Variants in OIT3 observed in about 807,000 individuals in gnomAD.
OIT3 encodes oncoprotein-induced transcript 3 protein.
In OIT3, 41 loss-of-function variants were observed where a neutral mutation model predicts 52.2. The observed-to-expected ratio is 0.79, with a 90% CI of 0.61 to 1.02. OIT3 has a LOEUF of 1.02. OIT3 is among the 50% of genes least tolerant of loss of function. The probability of loss-of-function intolerance (pLI) is 0.00; values close to 1 mark genes in which losing one functional copy is unlikely to be tolerated. For missense variants in OIT3, 634 were observed against 715.5 expected (o/e 0.89, Z 1.30); for synonymous variants, 244 against 276.9 (o/e 0.88, Z 1.18).
intron 6 of OIT3, among the ~76,000 whole-genome samples, chr10:72,914,226 G>A (rs1015702561): frequency 6.6e-6 from 1 of 152,102 alleles, no homozygotes; most frequent in Non-Finnish European, 1.5e-5. Context: ...AAATGAAACC[G>A]GAAAAGTAGG....
chr10:72,899,910 T>C (rs1487535690), intron 2 of OIT3, among the ~76,000 whole-genome samples: 1 of 152,216 alleles, frequency 6.6e-6, no homozygotes, highest in East Asian at 1.9e-4. Flanking sequence ...ATTCATTTTT[T>C]AAATAGAACA....
intron 7 of OIT3, among the ~76,000 whole-genome samples, chr10:72,928,319 T>C (rs1846186626): frequency 6.6e-6 from 1 of 152,234 alleles, no homozygotes; most frequent in Non-Finnish European, 1.5e-5. Context: ...CTAGTTTTGA[T>C]TCCATTATAC....
chr10:72,900,955 C>T (rs76439160), intron 3 of OIT3, among the ~76,000 whole-genome samples: 1 of 151,982 alleles, frequency 6.6e-6, no homozygotes, highest in African/African-American at 2.4e-5. Flanking sequence ...ATAGTCTCAG[C>T]TCCTCAGGAG....
At chr10:72,910,653 A>G (rs73288640) in intron 4 of OIT3, among the ~76,000 whole-genome samples, 2,845 of 152,326 alleles carry the variant, frequency 0.019, 101 homozygotes, top group African/African-American at 0.065. Context: ...CTATTATTGA[A>G]CTGAGAGAGT....
chr10:72,927,250 G>T (rs375706386), intron 7 of OIT3, among the ~76,000 whole-genome samples: 2 of 152,024 alleles, frequency 1.3e-5, no homozygotes, highest in East Asian at 3.9e-4. Context: ...AGCAAGTCTC[G>T]TGCCTCAGCC....
chr10:72,910,714 GT>G (rs758352037), intron 4 of OIT3, among the ~76,000 whole-genome samples: 19 of 152,160 alleles, frequency 1.2e-4, no homozygotes, highest in Non-Finnish European at 1.8e-4. Flanking sequence ...TGTCTCAGAT[GT>G]TTTGAAAACA....
At chr10:72,929,704 GCTAA>G (rs138617118) in intron 7 of OIT3, among the ~76,000 whole-genome samples, 4,142 of 152,014 alleles carry the variant, frequency 0.027, 146 homozygotes, top group Admixed American at 0.091. Context: ...ATGACGCCTG[GCTAA>G]CTTTTTGTAT....
rs185866548 is a variant in OIT3 at position 72,903,421 on chromosome 10, T to C, written c.544+2937T>C. On this transcript the variant is annotated intron_variant, in intron 3 of 8. Coordinates refer to ENST00000334011, the MANE Select transcript of OIT3 (RefSeq NM_152635.3). ...TTTTGTATTTTTAGTAGAGACAGGG[T>C]TTCACCATGTTAGCCAGGCTGGTCT... Among the ~76,000 whole-genome samples, 270 of 152,268 alleles carry C rather than the reference T, an allele frequency of 1.8e-3. 2 individuals are homozygous for C. The highest frequency in any genetic ancestry group is 6.0e-3 in the African/African-American group (248 of 41,544).
chr10:72,904,224 C>A (rs916812983), intron 3 of OIT3, among the ~76,000 whole-genome samples: 5 of 152,132 alleles, frequency 3.3e-5, no homozygotes, highest in Admixed American at 6.5e-5. Flanking sequence ...GAGTTGTAAG[C>A]CCTTAAGAGG....
chr10:72,899,092 C>T, intron 2 of OIT3, 54 bp downstream of exon 2: 1 of 1,510,184 alleles, frequency 6.6e-7, no homozygotes, highest in Non-Finnish European at 9.0e-7. Context: ...CAGGTGGAGT[C>T]CAAAAGTGCC....
At chr10:72,894,123 G>A (rs892999537) in intron 1 of OIT3, among the ~76,000 whole-genome samples, 6 of 151,798 alleles carry the variant, frequency 4.0e-5, no homozygotes, top group African/African-American at 1.5e-4. Context: ...TGGAGTATGT[G>A]TAAAAATAAT....
intron 6 of OIT3, among the ~76,000 whole-genome samples, chr10:72,923,727 A>G (rs557734153): frequency 9.2e-5 from 14 of 152,322 alleles, no homozygotes; most frequent in African/African-American, 3.4e-4. Flanking sequence ...AGGATCGAGG[A>G]CCTGCTTAAA....
At chr10:72,929,732 G>A (rs1373178165) in intron 7 of OIT3, among the ~76,000 whole-genome samples, 4 of 151,914 alleles carry the variant, frequency 2.6e-5, no homozygotes, top group South Asian at 2.1e-4. Context: ...TAATAGAGAC[G>A]GGTTTTCACC....
At chr10:72,924,778 A>G in intron 7 of OIT3, 134 bp downstream of exon 7, 5 of 808,210 alleles carry the variant, frequency 6.2e-6, no homozygotes, top group Non-Finnish European at 9.6e-6. Flanking sequence ...CCACTTATTG[A>G]CATTTTGGAG....
chr10:72,920,040 A>G (rs1009272645), intron 6 of OIT3, among the ~76,000 whole-genome samples: 2 of 152,144 alleles, frequency 1.3e-5, no homozygotes, highest in Admixed American at 1.3e-4. Flanking sequence ...TCTTCTTTGT[A>G]CAGGGGGTAG....
At chr10:72,925,877 G>A (rs1385283684) in intron 7 of OIT3, among the ~76,000 whole-genome samples, 1 of 152,226 alleles carries the variant, frequency 6.6e-6, no homozygotes, top group African/African-American at 2.4e-5. Flanking sequence ...AAAGTGCTGG[G>A]ATTATAGGTG....
In OIT3 at chr10:72,933,015, A is replaced by G. The variant is rs1846233664; in HGVS notation, c.*491A>G. 1 of 152,750 alleles carries G rather than the reference A, an allele frequency of 6.5e-6. No homozygotes were observed. Among genetic ancestry groups the G allele is most frequent in the Admixed American group, 6.5e-5 (1 of 15,274 alleles). 9.5% of individuals were successfully genotyped at this position (152,750 alleles called of 1,614,324 possible). ...GGGAATTTGGAAGTGTATCAATAAA[A>G]CAGTATATAATTTTAAAAGTAGTAT... On this transcript the variant is annotated 3_prime_UTR_variant, in exon 9 of 9. Coordinates refer to ENST00000334011, the MANE Select transcript of OIT3 (RefSeq NM_152635.3).
intron 6 of OIT3, among the ~76,000 whole-genome samples, chr10:72,919,550 C>A (rs1228640511): frequency 6.6e-6 from 1 of 152,064 alleles, no homozygotes; most frequent in Non-Finnish European, 1.5e-5. Flanking sequence ...ATGCTTCCAG[C>A]TTTTGCCCAT....
intron 7 of OIT3, among the ~76,000 whole-genome samples, chr10:72,927,480 A>G (rs1846179753): frequency 6.6e-6 from 1 of 152,204 alleles, no homozygotes; most frequent in Admixed American, 6.5e-5. Flanking sequence ...AAGCTGCGCT[A>G]TTTATTTTGC....
Sources: allele counts gnomAD v4.1 joint callset (sites outside exome capture counted in the v4.1 genomes callset), GRCh38; gene constraint gnomAD v4.1.1; transcripts MANE v1.5; gene names NCBI Gene and HGNC (gene_info 2026-07-23, HGNC 2026-07-21).